RORA: variants seen among roughly 807,000 people sequenced by gnomAD.
RORA encodes RAR related orphan receptor A.
A neutral mutation model predicts 69.5 loss-of-function variants in RORA; 7 were observed. That is an observed-to-expected ratio of 0.10 (90% CI 0.06 to 0.19). RORA has a LOEUF of 0.19. Ranked by LOEUF, RORA falls within the 10% of genes least tolerant of loss-of-function variation. RORA has a pLI of 1.00. For synonymous variants in RORA, 261 were observed against 240.8 expected (o/e 1.08, Z -0.78); for missense variants, 457 against 663.0 (o/e 0.69, Z 3.41).
chr15:60,698,421 T>C (rs144036664), intron 1 of RORA, among the ~76,000 whole-genome samples: 218 of 152,312 alleles, frequency 1.4e-3, no homozygotes, highest in Admixed American at 3.6e-3. Context: ...TTAAGAAGGA[T>C]ACATTATGAT....
chr15:60,551,645 C>T (rs1161312520), intron 2 of RORA, among the ~76,000 whole-genome samples: 1 of 152,222 alleles, frequency 6.6e-6, no homozygotes, highest in Non-Finnish European at 1.5e-5. Flanking sequence ...AGATGCACAG[C>T]CTCTAGTAAA....
chr15:60,533,725 C>T (rs2066596403), intron 2 of RORA, among the ~76,000 whole-genome samples: 1 of 152,202 alleles, frequency 6.6e-6, no homozygotes, highest in African/African-American at 2.4e-5. Flanking sequence ...GAATGAGAAC[C>T]AGCCTCCTTA....
intron 1 of RORA, among the ~76,000 whole-genome samples, chr15:61,209,345 G>T (rs1437380415): frequency 6.6e-6 from 1 of 151,854 alleles, no homozygotes; most frequent in Non-Finnish European, 1.5e-5. Flanking sequence ...TTTCACTACT[G>T]TGATTTCAAA....
At chr15:60,943,937 A>AAAAAAAAAAAAAAAAAAAAAAAC (rs1892784082) in intron 1 of RORA, among the ~76,000 whole-genome samples, 1 of 149,998 alleles carries the variant, frequency 6.7e-6, no homozygotes, top group Admixed American at 6.6e-5. Context: ...AAAAAAAAAA[A>AAAAAAAAAAAAAAAAAAAAAAAC]AAAGTGAGTA....
chr15:60,607,331 TA>T (rs2068970986), intron 2 of RORA, among the ~76,000 whole-genome samples: 1 of 152,190 alleles, frequency 6.6e-6, no homozygotes, highest in Non-Finnish European at 1.5e-5. Flanking sequence ...GGGACTTACA[TA>T]ATATATTTTG....
At chr15:60,750,077 A>T (rs2071702703) in intron 1 of RORA, among the ~76,000 whole-genome samples, 1 of 152,166 alleles carries the variant, frequency 6.6e-6, no homozygotes, top group African/African-American at 2.4e-5. Context: ...TGTGCCAAGT[A>T]TTTTTCATTT....
At chr15:61,211,496 G>A (rs761292104) in intron 1 of RORA, among the ~76,000 whole-genome samples, 8 of 152,070 alleles carry the variant, frequency 5.3e-5, no homozygotes, top group South Asian at 2.1e-4. Context: ...TCCCAGTTTC[G>A]CCCACACCAT....
intron 1 of RORA, among the ~76,000 whole-genome samples, chr15:60,850,046 T>C (rs1039479671): frequency 9.9e-5 from 15 of 152,142 alleles, no homozygotes; most frequent in Admixed American, 8.5e-4. Context: ...TTTCCAGCCC[T>C]GTGGTCATTT....
At chr15:60,552,817 G>C (rs924402299) in intron 2 of RORA, among the ~76,000 whole-genome samples, 15 of 152,210 alleles carry the variant, frequency 9.9e-5, no homozygotes, top group Non-Finnish European at 2.1e-4. Context: ...GAAAAGGCTG[G>C]AGGTGAGAAA....
intron 1 of RORA, among the ~76,000 whole-genome samples, chr15:61,160,550 G>A (rs1437541): frequency 0.069 from 10,431 of 152,158 alleles, 462 homozygotes; most frequent in Non-Finnish European, 0.1. Context: ...ATGAAACAAC[G>A]GCGAAGAAGG....
intron 1 of RORA, among the ~76,000 whole-genome samples, chr15:61,168,312 T>G (rs867533537): frequency 3.3e-5 from 5 of 152,034 alleles, no homozygotes; most frequent in African/African-American, 9.7e-5. Context: ...CACTGCAACC[T>G]CCACCTTCTG....
chr15:60,918,161 T>C (rs1307345632), intron 1 of RORA, among the ~76,000 whole-genome samples: 2 of 152,252 alleles, frequency 1.3e-5, no homozygotes, highest in Admixed American at 1.3e-4. Context: ...CCAAGTCATA[T>C]AACTAGTGTG....
intron 2 of RORA, among the ~76,000 whole-genome samples, chr15:60,580,588 T>G (rs926299333): frequency 3.3e-5 from 5 of 152,210 alleles, no homozygotes; most frequent in African/African-American, 1.2e-4. Context: ...GAACCAAACT[T>G]AAAGTGATGC....
At chr15:61,136,741 T>C (rs770311701) in intron 1 of RORA, among the ~76,000 whole-genome samples, 5 of 152,188 alleles carry the variant, frequency 3.3e-5, no homozygotes, top group Non-Finnish European at 5.9e-5. Context: ...CTAATCATAA[T>C]GATGGCAATT....
At chr15:60,498,870 AAAAC>A (rs977062016) in intron 10 of RORA, among the ~76,000 whole-genome samples, 4 of 152,098 alleles carry the variant, frequency 2.6e-5, no homozygotes, top group African/African-American at 9.6e-5. Context: ...AAAAAAAAAA[AAAAC>A]AAGCAAACAA....
rs1485163727 is a variant in RORA, at chr15:60,911,770, G to T, written c.167-233084C>A. On this transcript the variant is annotated intron_variant, in intron 1 of 10. Coordinates refer to ENST00000335670, the MANE Select transcript of RORA (RefSeq NM_134261.3). ...GCTGGAGTGCAATGGTGCAATTTCG[G>T]TTCACTGCAATTGCCAACTTCTGTG... Among the ~76,000 whole-genome samples the T allele has an allele frequency of 3.3e-5, 5 of 149,336 alleles. No homozygotes were observed. The East Asian group carries it at 5.8e-4, about 17-fold the overall frequency.
At chr15:60,545,408 C>T (rs2067037433) in intron 2 of RORA, among the ~76,000 whole-genome samples, 1 of 152,156 alleles carries the variant, frequency 6.6e-6, no homozygotes, top group East Asian at 1.9e-4. Flanking sequence ...TTACCTGTCC[C>T]CACGCTTCAA....
chr15:60,897,299 T>A lies in RORA; in HGVS notation c.167-218613A>T, dbSNP rs565372784. ...CCTAACTTATTACATATCAGGGCCT[T>A]TCACTCATTATCTCAAAAATGACAT... On this transcript the variant is annotated intron_variant, in intron 1 of 10. Coordinates refer to ENST00000335670, the MANE Select transcript of RORA (RefSeq NM_134261.3). Among the ~76,000 whole-genome samples the A allele has an allele frequency of 1.8e-4, 27 of 152,358 alleles. 1 individual carries two copies. The South Asian group carries it at 5.4e-3, about 30-fold the overall frequency.
chr15:60,961,803 TGTATAGCTGAATGTAG>T (rs1893422847), intron 1 of RORA, among the ~76,000 whole-genome samples: 1 of 152,204 alleles, frequency 6.6e-6, no homozygotes, highest in African/African-American at 2.4e-5. Context: ...AGACACAGAT[TGTATAGCTGAATGTAG>T]GCACAAAGCC....
Sources: allele counts gnomAD v4.1 joint callset (sites outside exome capture counted in the v4.1 genomes callset), GRCh38; gene constraint gnomAD v4.1.1; transcripts MANE v1.5; gene names NCBI Gene and HGNC (gene_info 2026-07-23, HGNC 2026-07-21).